ARHGEF10: variants seen among roughly 807,000 people sequenced by gnomAD.
ARHGEF10 encodes Rho guanine nucleotide exchange factor (GEF) 10.
ARHGEF10 carries 140 observed loss-of-function variants against 147.4 expected under a neutral mutation model. The ratio of observed to expected loss-of-function variants is 0.95; its 90% CI spans 0.83 to 1.09. ARHGEF10 has a LOEUF of 1.09. Ranked by LOEUF, ARHGEF10 falls within the 50% of genes least tolerant of loss-of-function variation. The pLI is 0.00. For missense variants in ARHGEF10, 2,222 were observed against 1,752.7 expected (o/e 1.27, Z -4.78); for synonymous variants, 902 against 695.8 (o/e 1.30, Z -4.67).
At position 1,923,288 on chromosome 8, in the gene ARHGEF10, C is replaced by T. The variant is rs1812437126; in HGVS notation, c.2260-180C>T. 8.8e-6 allele frequency: 9 copies of T among 1,017,362 alleles called. No individual in the cohort carries two copies. The South Asian group carries it at 1.2e-4, about 14-fold the overall frequency. 63.0% of individuals were successfully genotyped at this position (1,017,362 alleles called of 1,614,324 possible). On this transcript the variant is annotated intron_variant, in intron 19 of 28. Transcript: ENST00000349830. ...TTGCAAATAGGGTTTAATATCAGTT[C>T]TATCTTAGAAATGTCTCAGCCCCCC...
At chr8:1,941,459 T>G (rs1814083268) in intron 26 of ARHGEF10, among the ~76,000 whole-genome samples, 1 of 152,140 alleles carries the variant, frequency 6.6e-6, no homozygotes, top group Non-Finnish European at 1.5e-5. Flanking sequence ...AATTAAAGAA[T>G]ACCTAAATAA....
chr8:1,926,436 A>C lies in ARHGEF10; in HGVS notation c.2670A>C (p.Ser890=). ...TAAATAATGAAAGCCAGCCAGATTC[A>C]TTTTCCACGGCACATGGTTTCCTGT... The part of the protein sequence containing the change: ...PYLNNESQPD[S]FSTAHGFLWI... The change falls in exon 23 of 29, where the codon TCA becomes TCC. Residue 890 remains serine (S), a synonymous_variant. Coordinates refer to ENST00000349830, the MANE Select transcript of ARHGEF10 (RefSeq NM_014629.4). The C allele has an allele frequency of 6.2e-7, 1 of 1,614,140 alleles. No homozygotes were observed.
chr8:1,857,034 C>A (rs973419219), intron 2 of ARHGEF10, among the ~76,000 whole-genome samples: 1 of 152,200 alleles, frequency 6.6e-6, no homozygotes, highest in Non-Finnish European at 1.5e-5. Flanking sequence ...CGCCATCAGC[C>A]GTAACCCCGG....
chr8:1,843,516 T>A, intron 2 of ARHGEF10, 80 bp downstream of exon 2: 1 of 1,098,382 alleles, frequency 9.1e-7, no homozygotes, highest in South Asian at 1.3e-5. Context: ...CTGGAACCAC[T>A]GAATTGCTGG....
At chr8:1,846,011 G>A (rs933761166) in intron 2 of ARHGEF10, among the ~76,000 whole-genome samples, 1 of 152,236 alleles carries the variant, frequency 6.6e-6, no homozygotes, top group Non-Finnish European at 1.5e-5. Flanking sequence ...GACTGGCCAG[G>A]CCGTCCTTGG....
chr8:1,841,127 G>A (rs1803999532), intron 1 of ARHGEF10, among the ~76,000 whole-genome samples: 1 of 152,252 alleles, frequency 6.6e-6, no homozygotes, highest in Admixed American at 6.5e-5. Context: ...CTTCGCGTCA[G>A]CCAGCTGCCC....
At chr8:1,931,160 C>T (rs995895401) in intron 25 of ARHGEF10, among the ~76,000 whole-genome samples, 5 of 152,246 alleles carry the variant, frequency 3.3e-5, no homozygotes, top group African/African-American at 1.2e-4. Context: ...GAGGCCCCTC[C>T]GCATGTGCGC....
rs559264473 is a variant in ARHGEF10, at chr8:1,874,227, T to A, written c.680-2344T>A. Reference sequence around the variant, plus strand: ...TGTTTGCTGGGGGTCACAACAGCAATTGCGTTTCTAAAACATTGAAAACCA... The same window carrying A: ...TGTTTGCTGGGGGTCACAACAGCAAATGCGTTTCTAAAACATTGAAAACCA... On this transcript the variant is annotated intron_variant, in intron 7 of 28. Coordinates refer to ENST00000349830, the MANE Select transcript of ARHGEF10 (RefSeq NM_014629.4). 6.6e-5 allele frequency among the ~76,000 whole-genome samples: 10 copies of A among 152,306 alleles called. No homozygotes were observed. The East Asian group carries it at 1.9e-3, about 29-fold the overall frequency.
At chr8:1,939,191 A>G (rs548730079) in intron 26 of ARHGEF10, among the ~76,000 whole-genome samples, 2 of 152,352 alleles carry the variant, frequency 1.3e-5, no homozygotes, top group African/African-American at 2.4e-5. Flanking sequence ...TTTCAAGGCA[A>G]ACGGAGACTT....
At chr8:1,913,751 C>T (rs7831308) in intron 18 of ARHGEF10, among the ~76,000 whole-genome samples, 2,299 of 152,350 alleles carry the variant, frequency 0.015, 49 homozygotes, top group East Asian at 0.048. Context: ...TGGCCCATTC[C>T]GCTTTCTGTC....
chr8:1,860,801 C>A (rs1456985630), intron 4 of ARHGEF10, among the ~76,000 whole-genome samples: 1 of 152,052 alleles, frequency 6.6e-6, no homozygotes, highest in Non-Finnish European at 1.5e-5. Context: ...TTATGTATGT[C>A]CCGTGTCACC....
intron 2 of ARHGEF10, among the ~76,000 whole-genome samples, chr8:1,853,754 C>T (rs972334863): frequency 1.3e-5 from 2 of 152,240 alleles, no homozygotes; most frequent in Non-Finnish European, 2.9e-5. Context: ...GCTGTGTGTG[C>T]TCCCCGGGAA....
intron 27 of ARHGEF10, among the ~76,000 whole-genome samples, chr8:1,950,716 G>A (rs1294208471): frequency 7.8e-6 from 1 of 128,432 alleles, no homozygotes. Flanking sequence ...GTATTTTTTT[G>A]TTTTGTTTTT....
At chr8:1,947,352 C>T (rs1056955809) in intron 27 of ARHGEF10, among the ~76,000 whole-genome samples, 30 of 152,188 alleles carry the variant, frequency 2.0e-4, no homozygotes, top group Non-Finnish European at 8.8e-5. Flanking sequence ...CCCACGGTTA[C>T]CCTGGTTTCA....
chr8:1,844,639 AG>A (rs1231788238), intron 2 of ARHGEF10, among the ~76,000 whole-genome samples: 1 of 152,156 alleles, frequency 6.6e-6, no homozygotes, highest in Admixed American at 6.5e-5. Flanking sequence ...CCGAGGCCAC[AG>A]CTCCACTGCT....
intron 11 of ARHGEF10, among the ~76,000 whole-genome samples, chr8:1,887,664 C>G (rs1163671708): frequency 6.7e-6 from 1 of 148,384 alleles, no homozygotes; most frequent in African/African-American, 2.5e-5. Flanking sequence ...TGAGGAGACA[C>G]TGAGTGCAAT....
intron 26 of ARHGEF10, among the ~76,000 whole-genome samples, chr8:1,934,284 G>A (rs1184820769): frequency 1.4e-5 from 2 of 147,310 alleles, no homozygotes; most frequent in East Asian, 4.1e-4. Flanking sequence ...AGCCCAGGAG[G>A]TCCAGGCTTC....
chr8:1,846,576 A>G (rs1304124494), intron 2 of ARHGEF10, among the ~76,000 whole-genome samples: 1 of 151,998 alleles, frequency 6.6e-6, no homozygotes, highest in Non-Finnish European at 1.5e-5. Flanking sequence ...TTGAATATAA[A>G]TTTTTAACTT....
At chr8:1,892,290 TGTGTGTG>T (rs1809599385) in intron 11 of ARHGEF10, among the ~76,000 whole-genome samples, 1 of 147,898 alleles carries the variant, frequency 6.8e-6, no homozygotes, top group Non-Finnish European at 1.5e-5. Flanking sequence ...TGTGTGTGTG[TGTGTGTG>T]TGTGTGTGTG....
Sources: gnomAD v4.1 joint callset for allele counts (sites outside exome capture counted in the v4.1 genomes callset) on GRCh38, gnomAD v4.1.1 for gene constraint, MANE v1.5 for transcripts, NCBI Gene and HGNC (gene_info 2026-07-23, HGNC 2026-07-21) for gene names.